KBTBD12: variants seen among roughly 807,000 people sequenced by gnomAD.
KBTBD12 encodes the protein kelch repeat and BTB domain containing 12.
KBTBD12 carries 53 observed loss-of-function variants against 58.7 expected under a neutral mutation model. The ratio of observed to expected loss-of-function variants is 0.90; its 90% CI spans 0.72 to 1.14. The LOEUF is 1.14. Among genes scored for constraint, KBTBD12 ranks in the 50% most tolerant of loss-of-function variants. The pLI, the probability that KBTBD12 is intolerant of heterozygous loss-of-function variation, is 0.00. For missense variants in KBTBD12, 704 were observed against 751.3 expected, an observed-to-expected ratio of 0.94 and a Z score of 0.74; for synonymous variants, 236 against 259.8, an observed-to-expected ratio of 0.91 and a Z score of 0.88.
chr3:127,967,216 A>G (rs1940592071), intron 5 of KBTBD12, among the ~76,000 whole-genome samples: 1 of 152,246 alleles, frequency 6.6e-6, no homozygotes, highest in East Asian at 1.9e-4. Context: ...AGCAGGCCGA[A>G]AGAGTGGCCA....
chr3:127,957,667 A>G (rs1430041838), intron 4 of KBTBD12, among the ~76,000 whole-genome samples: 1 of 152,152 alleles, frequency 6.6e-6, no homozygotes, highest in African/African-American at 2.4e-5. Context: ...AAAAAAGTAT[A>G]AGAAAAAAAG....
chr3:127,964,362 G>A (rs573856054), intron 5 of KBTBD12, among the ~76,000 whole-genome samples: 39 of 152,028 alleles, frequency 2.6e-4, no homozygotes, highest in Non-Finnish European at 4.7e-4. Flanking sequence ...GGCTGGGCGC[G>A]GTGGCTCACA....
intron 4 of KBTBD12, among the ~76,000 whole-genome samples, chr3:127,937,721 C>T (rs946229410): frequency 5.3e-4 from 81 of 151,934 alleles, no homozygotes; most frequent in African/African-American, 1.9e-3. Flanking sequence ...ATGCCAAGCA[C>T]AACAAACAAA....
In KBTBD12 at chr3:127,938,698, T is replaced by A. The variant is rs139314098; in HGVS notation, c.1492+8415T>A. 2.5e-3 allele frequency among the ~76,000 whole-genome samples: 379 copies of A among 152,296 alleles called. 3 individuals carry two copies. The highest frequency in any genetic ancestry group is 8.6e-3 in the African/African-American group (358 of 41,562). ...ATATGACTTGATTGAAAAATACATT[T>A]TAGGTAAATTCTAACTAAAAGAAAG... On this transcript the variant is annotated intron_variant, in intron 4 of 5. Transcript: ENST00000405109.
In KBTBD12 at chr3:127,943,801, C is replaced by T. The variant is rs545861694; in HGVS notation, c.1492+13518C>T. On this transcript the variant is annotated intron_variant, in intron 4 of 5. Coordinates refer to ENST00000405109, the MANE Select transcript of KBTBD12 (RefSeq NM_207335.4). The stretch of plus-strand genomic sequence containing the variant: ...CAACTTTTCCCTATGTTTTCTTCTA[C>T]GAGTTTTACCATTTCAGGTCTTATG... Among the ~76,000 whole-genome samples, 27 of 152,212 alleles carry T rather than the reference C, an allele frequency of 1.8e-4. No individual in the cohort carries two copies. The South Asian group carries it at 2.3e-3, about 13-fold the overall frequency.
chr3:127,973,638 G>GA (rs58248497), intron 5 of KBTBD12, among the ~76,000 whole-genome samples: 4 of 150,886 alleles, frequency 2.7e-5, no homozygotes, highest in Admixed American at 6.6e-5. Flanking sequence ...AAGGTTTCAG[G>GA]AAAAAAAAAG....
At position 127,984,638 on chromosome 3, in the gene KBTBD12, T is replaced by C. The variant is rs1017861658; in HGVS notation, c.*360T>C. ...AAAGGATGAGGAGGAAGTGGTCCCA[T>C]GGGTGCAGTCAATGATGAGTTCATG... On this transcript the variant is annotated 3_prime_UTR_variant, in exon 6 of 6. Transcript: ENST00000405109. 1.7e-5 allele frequency: 3 copies of C among 177,706 alleles called. No individual in the cohort carries two copies. Among genetic ancestry groups the C allele is most frequent in the African/African-American group, 7.1e-5 (3 of 42,248 alleles). The allele number at this position is 177,706 out of a possible 1,614,324, so 11.0% of individuals were successfully genotyped here. A position where few individuals can be genotyped will look rare whatever the true frequency, so the allele number is the denominator to read the frequency against.
Position 127,984,758 on chromosome 3 carries a change from A to G in KBTBD12, c.*480A>G, listed in dbSNP as rs1473298346. The G allele has an allele frequency of 6.5e-6, 1 of 153,094 alleles. No homozygotes were observed. The highest frequency in any genetic ancestry group is 1.5e-5 in the Non-Finnish European group (1 of 68,620). 9.5% of individuals were successfully genotyped at this position (153,094 alleles called of 1,614,324 possible). A position where few individuals can be genotyped will look rare whatever the true frequency, so the allele number is the denominator to read the frequency against. On this transcript the variant is annotated 3_prime_UTR_variant, in exon 6 of 6. Transcript: ENST00000405109. ...TGCCTGGGGCACAGGGTTTGTGGTC[A>G]AGGCTGGAAAAGTAGGTTGTAGCTA...
intron 4 of KBTBD12, among the ~76,000 whole-genome samples, chr3:127,952,867 T>A (rs760405292): frequency 3.9e-4 from 60 of 152,350 alleles, no homozygotes; most frequent in Non-Finnish European, 7.6e-4. Flanking sequence ...TTACATTTTT[T>A]ATAAATTTTC....
At chr3:127,936,019 T>C (rs1939822559) in intron 4 of KBTBD12, among the ~76,000 whole-genome samples, 1 of 152,040 alleles carries the variant, frequency 6.6e-6, no homozygotes. Context: ...GGAAAATATA[T>C]CAATTATAAA....
intron 4 of KBTBD12, among the ~76,000 whole-genome samples, chr3:127,958,498 C>T (rs1418161764): frequency 1.3e-5 from 2 of 152,176 alleles, no homozygotes; most frequent in Non-Finnish European, 2.9e-5. Flanking sequence ...GACTGAAAAT[C>T]CACTAAGACC....
chr3:127,923,349 C>T lies in KBTBD12; in HGVS notation c.288C>T (p.Ile96=), dbSNP rs761638277. The change falls in exon 2 of 6, where the codon ATC becomes ATT. Residue 96 remains isoleucine, a synonymous_variant. Coordinates refer to ENST00000405109, the MANE Select transcript of KBTBD12 (RefSeq NM_207335.4). ...LNYMYNAALE[I]NNANVQTVAM... is the part of the protein sequence containing the mutation. ...ACATGTACAATGCAGCTTTGGAGAT[C>T]AATAATGCCAATGTACAGACTGTAG... 6.2e-7 allele frequency: 1 copy of T among 1,613,750 alleles called. No homozygotes were observed.
intron 4 of KBTBD12, among the ~76,000 whole-genome samples, chr3:127,945,922 G>A (rs1940072016): frequency 6.6e-6 from 1 of 151,468 alleles, no homozygotes; most frequent in Middle Eastern, 3.4e-3. Context: ...CAAATGATCT[G>A]CCTGTCTTGG....
chr3:127,927,930 C>T lies in KBTBD12; in HGVS notation c.1237C>T (p.Arg413Trp), dbSNP rs189713971. 1.9e-4 allele frequency: 299 copies of T among 1,613,274 alleles called. No homozygotes were observed. The highest frequency in any genetic ancestry group is 2.2e-4 in the Non-Finnish European group (263 of 1,179,402). ...TNCVDKYSVERDNWKRVSPLP... is the reference protein window; with the variant it reads ...TNCVDKYSVEWDNWKRVSPLP... ...CTGTGTTGATAAGTACTCTGTAGAA[C>T]GGGACAATTGGAAAAGGGTGTCTCC... The change falls in exon 3 of 6, where the codon CGG becomes TGG. Residue 413 changes from arginine to tryptophan, a missense_variant. Arg to Trp is a moderately radical substitution (Grantham distance 101). Coordinates refer to ENST00000405109, the MANE Select transcript of KBTBD12 (RefSeq NM_207335.4).
At chr3:127,956,037 G>T (rs941643232) in intron 4 of KBTBD12, among the ~76,000 whole-genome samples, 1 of 152,212 alleles carries the variant, frequency 6.6e-6, no homozygotes, top group East Asian at 1.9e-4. Context: ...CATGGCCAAA[G>T]AAGTCAGACA....
At chr3:127,956,266 C>T (rs1940318578) in intron 4 of KBTBD12, among the ~76,000 whole-genome samples, 1 of 152,096 alleles carries the variant, frequency 6.6e-6, no homozygotes. Context: ...CCTGTGGCTC[C>T]CAAATTGCAA....
chr3:127,939,002 C>A (rs374169969), intron 4 of KBTBD12, among the ~76,000 whole-genome samples: 1 of 152,152 alleles, frequency 6.6e-6, no homozygotes, highest in East Asian at 1.9e-4. Flanking sequence ...ACTAGAAACC[C>A]GGAAGTGGCC....
chr3:127,966,437 T>C (rs1940571671), intron 5 of KBTBD12, among the ~76,000 whole-genome samples: 1 of 152,142 alleles, frequency 6.6e-6, no homozygotes, highest in African/African-American at 2.4e-5. Context: ...AGAGGTGTCC[T>C]CAGAGAGATG....
chr3:127,924,817 A>G (rs1335377114), intron 2 of KBTBD12, among the ~76,000 whole-genome samples: 2 of 152,234 alleles, frequency 1.3e-5, no homozygotes, highest in Non-Finnish European at 2.9e-5. Context: ...GCCTGCTAAG[A>G]AGTAGCATAT....
Sources: gnomAD v4.1 joint callset for allele counts (sites outside exome capture counted in the v4.1 genomes callset) on GRCh38, gnomAD v4.1.1 for gene constraint, MANE v1.5 for transcripts, NCBI Gene and HGNC (gene_info 2026-07-23, HGNC 2026-07-21) for gene names.